The following SEMA3A variants were observed in gnomAD, a reference collection of about 807,000 sequenced individuals.
SEMA3A encodes semaphorin-3A.
Under a neutral mutation model 97.9 loss-of-function variants are expected in SEMA3A, and 29 were observed. That is an observed-to-expected ratio of 0.30 (90% CI 0.22 to 0.40). SEMA3A has a LOEUF of 0.40. Among genes scored for constraint, SEMA3A ranks in the 10% least tolerant of loss-of-function variants. The probability of loss-of-function intolerance (pLI) is 1.00; values close to 1 mark genes in which losing one functional copy is unlikely to be tolerated. For synonymous variants in SEMA3A, 321 were observed against 323.7 expected (o/e 0.99, Z 0.09); for missense variants, 763 against 951.3 (o/e 0.80, Z 2.60).
At chr7:84,053,776 G>T (rs1792800712) in intron 5 of SEMA3A, among the ~76,000 whole-genome samples, 1 of 146,208 alleles carries the variant, frequency 6.8e-6, no homozygotes, top group Non-Finnish European at 1.5e-5. Context: ...TGGTTATTTT[G>T]CTCGTTAATT....
At chr7:84,085,596 ATGTC>A (rs943847517) in intron 4 of SEMA3A, among the ~76,000 whole-genome samples, 2 of 152,134 alleles carry the variant, frequency 1.3e-5, no homozygotes, top group Non-Finnish European at 2.9e-5. Context: ...GCAAATAAAA[ATGTC>A]TGTTAACATT....
At chr7:84,246,538 A>C (rs1266617244) in intron 3 of SEMA3A, among the ~76,000 whole-genome samples, 1 of 152,202 alleles carries the variant, frequency 6.6e-6, no homozygotes, top group Non-Finnish European at 1.5e-5. Flanking sequence ...CAATCTCTGA[A>C]ATAAGAAATT....
chr7:84,306,202 T>C (rs753562431), intron 3 of SEMA3A, among the ~76,000 whole-genome samples: 1 of 151,904 alleles, frequency 6.6e-6, no homozygotes, highest in Non-Finnish European at 1.5e-5. Flanking sequence ...TATTTCCATG[T>C]AGCATTATAT....
intron 3 of SEMA3A, among the ~76,000 whole-genome samples, chr7:84,224,254 G>A (rs969047771): frequency 2.6e-5 from 4 of 151,840 alleles, no homozygotes; most frequent in African/African-American, 9.7e-5. Flanking sequence ...TCAATTATTG[G>A]TGTTTCATTT....
At chr7:84,054,760 T>C (rs6960796) in intron 5 of SEMA3A, among the ~76,000 whole-genome samples, 18,101 of 145,930 alleles carry the variant, frequency 0.12, 1,061 homozygotes, top group East Asian at 0.34. Context: ...ACTGCGTTCC[T>C]TTGGAGGAGG....
At chr7:84,483,472 A>G (rs1806495521) in intron 1 of SEMA3A, among the ~76,000 whole-genome samples, 1 of 152,134 alleles carries the variant, frequency 6.6e-6, no homozygotes. Context: ...GTTATAAAAG[A>G]TATCATTTTT....
At chr7:84,191,812 A>AAGCC (rs1261223501) in intron 1 of SEMA3A, among the ~76,000 whole-genome samples, 1 of 151,824 alleles carries the variant, frequency 6.6e-6, no homozygotes, top group Non-Finnish European at 1.5e-5. Context: ...TTCAGAGGAA[A>AAGCC]AGCCAGCATA....
intron 4 of SEMA3A, among the ~76,000 whole-genome samples, chr7:84,106,829 G>T (rs1795122775): frequency 1.3e-5 from 2 of 152,028 alleles, no homozygotes; most frequent in African/African-American, 4.8e-5. Context: ...TTTAAAGGAA[G>T]AACACTGCAA....
At chr7:84,082,546 T>C (rs1794199601) in intron 4 of SEMA3A, among the ~76,000 whole-genome samples, 1 of 152,150 alleles carries the variant, frequency 6.6e-6, no homozygotes, top group Non-Finnish European at 1.5e-5. Context: ...GAAATATATT[T>C]TAAGTCATCT....
chr7:84,167,559 G>T (rs1216777125), intron 1 of SEMA3A, among the ~76,000 whole-genome samples: 1 of 152,146 alleles, frequency 6.6e-6, no homozygotes, highest in East Asian at 1.9e-4. Flanking sequence ...GACACATAGA[G>T]AGATGATTGT....
chr7:84,333,904 TGAAAA>T (rs527669804), intron 2 of SEMA3A, among the ~76,000 whole-genome samples: 40 of 144,214 alleles, frequency 2.8e-4, no homozygotes, highest in African/African-American at 9.9e-4. Context: ...CTGAATGCAC[TGAAAA>T]GAAGAGATGT....
chr7:83,989,441 A>G (rs1481890194), intron 12 of SEMA3A, among the ~76,000 whole-genome samples: 2 of 135,216 alleles, frequency 1.5e-5, no homozygotes, highest in African/African-American at 2.6e-5. Context: ...AGCATTAGGT[A>G]TATCTCCCAA....
chr7:84,091,119 AAAAAGAAAGAAAGAAAG>A (rs1343305638), intron 4 of SEMA3A, among the ~76,000 whole-genome samples: 1 of 78,576 alleles, frequency 1.3e-5, no homozygotes, highest in East Asian at 4.1e-4. Context: ...AGAAAGAAAG[AAAAAGAAAGAAAGAAAG>A]AAGGAAGGAA....
intron 4 of SEMA3A, among the ~76,000 whole-genome samples, chr7:84,094,438 A>C (rs1404125053): frequency 6.6e-6 from 1 of 151,982 alleles, no homozygotes; most frequent in Non-Finnish European, 1.5e-5. Flanking sequence ...TATTATTTTA[A>C]AGAAATTAAG....
chr7:84,396,371 A>G (rs1462261227), intron 1 of SEMA3A, among the ~76,000 whole-genome samples: 1 of 151,778 alleles, frequency 6.6e-6, no homozygotes, highest in Non-Finnish European at 1.5e-5. Context: ...AATAGTAACT[A>G]TAGTCGTATA....
intron 4 of SEMA3A, among the ~76,000 whole-genome samples, chr7:84,098,801 G>A (rs1259355223): frequency 6.6e-6 from 1 of 152,114 alleles, no homozygotes; most frequent in Non-Finnish European, 1.5e-5. Context: ...TGATGGGCAT[G>A]AGGACAGATG....
intron 6 of SEMA3A, among the ~76,000 whole-genome samples, chr7:84,034,349 A>C: frequency 6.6e-6 from 1 of 152,210 alleles, no homozygotes; most frequent in East Asian, 1.9e-4. Flanking sequence ...CCTTACATGT[A>C]AATATTTTGC....
At chr7:84,130,080 C>T (rs1408012131) in intron 2 of SEMA3A, among the ~76,000 whole-genome samples, 5 of 151,878 alleles carry the variant, frequency 3.3e-5, no homozygotes, top group African/African-American at 4.8e-5. Flanking sequence ...TGTATAGGGG[C>T]AGAACAGTTT....
chr7:84,317,270 C>T (rs1213841181), intron 2 of SEMA3A, among the ~76,000 whole-genome samples: 1 of 152,074 alleles, frequency 6.6e-6, no homozygotes, highest in Non-Finnish European at 1.5e-5. Context: ...ACTTTTTCTC[C>T]TACATTTTAT....
Sources: allele counts gnomAD v4.1 joint callset (sites outside exome capture counted in the v4.1 genomes callset), GRCh38; gene constraint gnomAD v4.1.1; transcripts MANE v1.5; gene names NCBI Gene and HGNC (gene_info 2026-07-23, HGNC 2026-07-21).